ACOX3: variants seen among roughly 807,000 people sequenced by gnomAD.
ACOX3 encodes the protein acyl-CoA oxidase 3, pristanoyl.
A neutral mutation model predicts 81.5 loss-of-function variants in ACOX3; 73 were observed. The ratio of observed to expected loss-of-function variants is 0.90; its 90% CI spans 0.74 to 1.09. The LOEUF is 1.09. ACOX3 is among the 50% of genes least tolerant of loss of function. ACOX3 has a pLI of 0.00. For missense variants in ACOX3, 947 were observed against 928.0 expected, an observed-to-expected ratio of 1.02 and a Z score of -0.27; for synonymous variants, 387 against 375.1, an observed-to-expected ratio of 1.03 and a Z score of -0.37.
At chr4:8,390,430 G>T (rs1020331409) in intron 11 of ACOX3, among the ~76,000 whole-genome samples, 7 of 152,160 alleles carry the variant, frequency 4.6e-5, no homozygotes, top group Non-Finnish European at 1.0e-4. Context: ...CCTCACTGCT[G>T]TCAGCAAGCC....
chr4:8,410,369 A>T lies in ACOX3; in HGVS notation c.544-14T>A, dbSNP rs1721588616. On this transcript the variant is annotated splice_polypyrimidine_tract_variant and intron_variant, in intron 5 of 17. Coordinates refer to ENST00000356406, the MANE Select transcript of ACOX3 (RefSeq NM_003501.3). ...TATGATGAATTCCTGCACAAGGGAA[A>T]ATTTAGGTTAGTTATAATTAGCAAC... 6.2e-7 allele frequency: 1 copy of T among 1,612,284 alleles called. No homozygotes were observed. The highest frequency in any genetic ancestry group is 8.5e-7 in the Non-Finnish European group (1 of 1,178,568).
chr4:8,409,561 T>G (rs1416803775), intron 6 of ACOX3, among the ~76,000 whole-genome samples: 1 of 145,104 alleles, frequency 6.9e-6, no homozygotes, highest in African/African-American at 2.6e-5. Flanking sequence ...GGCTGTGGGA[T>G]ACACTTTGGG....
At position 8,389,784 on chromosome 4, in the gene ACOX3, G is replaced by A; in HGVS notation, c.1301-50C>T. ...ATCATTTAAGACGCATATTTGAGAA[G>A]CAGCCTGTCACTATGTGAGAATTTA... On this transcript the variant is annotated intron_variant, in intron 11 of 17. Coordinates refer to ENST00000356406, the MANE Select transcript of ACOX3 (RefSeq NM_003501.3). The surrounding 1 kb of genome is among the most constrained non-coding windows in gnomAD (Gnocchi z 5.3). 1 of 1,603,714 alleles carries A rather than the reference G, an allele frequency of 6.2e-7. No homozygotes were observed. Among genetic ancestry groups the A allele is most frequent in the Admixed American group, 1.7e-5 (1 of 59,850 alleles).
chr4:8,416,606 A>G lies in ACOX3; in HGVS notation c.-14-71T>C. ...TTCAAACTACCCCCACCAACAGGAG[A>G]GCCCGCAACACCTTACAAATCAGAG... On this transcript the variant is annotated intron_variant, in intron 1 of 17. Transcript: ENST00000356406. This position sits in a 1 kb window ranked among gnomAD's most constrained non-coding sequence, Gnocchi z 4.2. 1 of 1,444,798 alleles carries G rather than the reference A, an allele frequency of 6.9e-7. No individual in the cohort carries two copies. Among genetic ancestry groups the G allele is most frequent in the Non-Finnish European group, 9.2e-7 (1 of 1,087,470 alleles). The allele number at this position is 1,444,798 out of a possible 1,614,324, so 89.5% of individuals were successfully genotyped here.
the ACOX3 span, chr4:8,355,678 G>A: frequency 6.6e-6 from 1 of 152,168 alleles, no homozygotes; most frequent in South Asian, 2.1e-4. Flanking sequence ...AAAATGTGCA[G>A]GCATTTCTGA....
At position 8,394,680 on chromosome 4, in the gene ACOX3, G is replaced by A; in HGVS notation, c.1119C>T (p.Leu373=). The A allele has an allele frequency of 6.2e-7, 1 of 1,613,906 alleles. No homozygotes were observed. Among genetic ancestry groups the A allele is most frequent in the Non-Finnish European group, 8.5e-7 (1 of 1,180,000 alleles). The change falls in exon 10 of 18, where the codon CTC becomes CTT. Residue 373 remains leucine, a synonymous_variant. Coordinates refer to ENST00000356406, the MANE Select transcript of ACOX3 (RefSeq NM_003501.3). The surrounding 1 kb of genome is among the most constrained non-coding windows in gnomAD (Gnocchi z 5.9). The part of the protein sequence containing the change: ...VYALDHFSKS[L]FLDLVELQRG... ...GCTGGAGCTCCACCAGGTCCAGGAA[G>A]AGCGACTTGGAGAAATGGTCTAAGG...
the ACOX3 span, chr4:8,357,987 C>T: frequency 2.6e-5 from 4 of 153,056 alleles, no homozygotes; most frequent in African/African-American, 9.7e-5. Flanking sequence ...CTGCCCCGCT[C>T]TGGAATTTAG....
At position 8,370,985 on chromosome 4, in the gene ACOX3, C is replaced by T. The variant is rs1391240119; in HGVS notation, c.1906G>A (p.Asp636Asn). The change falls in exon 17 of 18, where the codon GAT becomes AAT. Residue 636 changes from aspartate (D) to asparagine (N), a missense_variant. Transcript: ENST00000356406. This position sits in a 1 kb window ranked among gnomAD's most constrained non-coding sequence, Gnocchi z 6.3. ...ATCACGTCTACCAGGGCAACTGCAT[C>T]GTCTTTCAGCTGTTGGAAAACAAAG... is the stretch of plus-strand genomic sequence containing the variant. ...VLALCSQLKD[D>N]AVALVDVIAP... The T allele has an allele frequency of 9.3e-6, 15 of 1,614,058 alleles. No homozygotes were observed. Among genetic ancestry groups the T allele is most frequent in the East Asian group, 6.7e-5 (3 of 44,886 alleles).
rs1449378291 is a variant in ACOX3 at position 8,407,504 on chromosome 4, C to G, written c.688-1461G>C. 1.3e-5 allele frequency among the ~76,000 whole-genome samples: 2 copies of G among 152,190 alleles called. No homozygotes were observed. The highest frequency in any genetic ancestry group is 2.9e-5 in the Non-Finnish European group (2 of 68,024). On this transcript the variant is annotated intron_variant, in intron 6 of 17. Coordinates refer to ENST00000356406, the MANE Select transcript of ACOX3 (RefSeq NM_003501.3). The surrounding 1 kb of genome is among the most constrained non-coding windows in gnomAD (Gnocchi z 4.6). ...GCCCTAAAGATTCCTCAATTTCAGA[C>G]CCCGGCCTCCAGAGTTGGGAGAATA...
rs143748739 is a variant in ACOX3 at position 8,374,992 on chromosome 4, G to A, written c.1814C>T (p.Ala605Val). ...YALWSLSRHA[A>V]LLYRGGYFSG... ...AGAAGCCTCACCTCGGTAGAGCAGG[G>A]CCGCGTGGCGGCTCAGGGACCACAG... is the stretch of plus-strand genomic sequence containing the variant. Residue 605 changes from alanine (A) to valine (V), a missense_variant, in exon 15 of 18, where the codon GCC becomes GTC. Coordinates refer to ENST00000356406, the MANE Select transcript of ACOX3 (RefSeq NM_003501.3). 3,208 of 1,529,936 alleles carry A rather than the reference G, an allele frequency of 2.1e-3. 6 individuals carry two copies. The highest frequency in any genetic ancestry group is 2.7e-3 in the Non-Finnish European group (3,074 of 1,131,396). 94.8% of individuals were successfully genotyped at this position (1,529,936 alleles called of 1,614,324 possible).
At chr4:8,377,987 G>C (rs1474795111) in intron 14 of ACOX3, among the ~76,000 whole-genome samples, 1 of 152,162 alleles carries the variant, frequency 6.6e-6, no homozygotes, top group Non-Finnish European at 1.5e-5. Context: ...GCTCTAGGGG[G>C]ATCTTCTGGA....
At chr4:8,356,628 T>C in the ACOX3 span, 2 of 453,952 alleles carry the variant, frequency 4.4e-6, no homozygotes, top group African/African-American at 4.1e-5. Context: ...TCCCGGCAGG[T>C]GAGAGGAAGA....
At position 8,406,135 on chromosome 4, in the gene ACOX3, T is replaced by C. The variant is rs775083905; in HGVS notation, c.688-92A>G. Reference sequence around the variant, plus strand: ...GTTCAGAAACCCACAGGGTGGGCCATGGGCTCAACGCTGGGCGGCTGTGGG... The same window carrying C: ...GTTCAGAAACCCACAGGGTGGGCCACGGGCTCAACGCTGGGCGGCTGTGGG... On this transcript the variant is annotated intron_variant, in intron 6 of 17. Coordinates refer to ENST00000356406, the MANE Select transcript of ACOX3 (RefSeq NM_003501.3). The surrounding 1 kb of genome is among the most constrained non-coding windows in gnomAD (Gnocchi z 5.6). 9.6e-6 allele frequency: 12 copies of C among 1,254,856 alleles called. No homozygotes were observed. Among genetic ancestry groups the C allele is most frequent in the Non-Finnish European group, 1.4e-5 (12 of 860,010 alleles). The allele number at this position is 1,254,856 out of a possible 1,614,324, so 77.7% of individuals were successfully genotyped here. A position where few individuals can be genotyped will look rare whatever the true frequency, so the allele number is the denominator to read the frequency against.
chr4:8,390,607 C>T (rs1335367556), intron 11 of ACOX3, among the ~76,000 whole-genome samples: 2 of 152,240 alleles, frequency 1.3e-5, no homozygotes, highest in Middle Eastern at 3.2e-3. Flanking sequence ...TAGCTGGATG[C>T]CTTCACATAT....
Position 8,410,224 on chromosome 4 carries a change from G to A in ACOX3, c.675C>T (p.Pro225=), listed in dbSNP as rs753480247. 6.2e-7 allele frequency: 1 copy of A among 1,613,856 alleles called. No homozygotes were observed. Among genetic ancestry groups the A allele is most frequent in the African/African-American group, 1.3e-5 (1 of 74,918 alleles). Residue 225 remains proline (P), a synonymous_variant, in exon 6 of 18, where the codon CCC becomes CCT. Coordinates refer to ENST00000356406, the MANE Select transcript of ACOX3 (RefSeq NM_003501.3). ...VPGDQCHGLH[P]FIVQIRDPKT... ...CCCAGCGTCCTACCTGCACGATAAA[G>A]GGATGCAGCCCATGGCACTGGTCCC...
In ACOX3 at chr4:8,382,992, A is replaced by C. The variant is rs1259225442; in HGVS notation, c.1538-1385T>G. 6.9e-6 allele frequency among the ~76,000 whole-genome samples: 1 copy of C among 145,886 alleles called. No individual in the cohort carries two copies. Among genetic ancestry groups the C allele is most frequent in the Non-Finnish European group, 1.5e-5 (1 of 66,614 alleles). On this transcript the variant is annotated intron_variant, in intron 13 of 17. Coordinates refer to ENST00000356406, the MANE Select transcript of ACOX3 (RefSeq NM_003501.3). The surrounding 1 kb of genome is among the most constrained non-coding windows in gnomAD (Gnocchi z 4.1). Reference sequence around the variant, plus strand: ...GGCGACAGAGCGAGACTCCGTCTCAAAAAAAAAAAAAAAAGAAAAGAAAAT... The same window carrying C: ...GGCGACAGAGCGAGACTCCGTCTCACAAAAAAAAAAAAAAGAAAAGAAAAT...
At chr4:8,409,596 AGGGCTATCTGTACTGTGGGTG>A (rs1721455447) in intron 6 of ACOX3, among the ~76,000 whole-genome samples, 1 of 82,054 alleles carries the variant, frequency 1.2e-5, no homozygotes, top group Admixed American at 1.3e-4. Flanking sequence ...CACTGTGGGC[AGGGCTATCTGTACTGTGGGTG>A]GGGCTGTCTG....
intron 17 of ACOX3, among the ~76,000 whole-genome samples, chr4:8,369,937 G>A (rs566551423): frequency 6.3e-4 from 96 of 152,342 alleles, no homozygotes; most frequent in African/African-American, 2.2e-3. Context: ...GCAGAAGACA[G>A]ACACAGCCCC....
Position 8,380,849 on chromosome 4 carries a change from C to T in ACOX3, c.1653+643G>A, listed in dbSNP as rs1256348488. Among the ~76,000 whole-genome samples, 16 of 152,308 alleles carry T rather than the reference C, an allele frequency of 1.1e-4. No homozygotes were observed. In the East Asian group the frequency reaches 3.1e-3, roughly 29 times the overall value. ...CAAGAGTGCTCATGGCACCCACAGA[C>T]ACATCCGGGAGCCCTACTGCCCCCA... On this transcript the variant is annotated intron_variant, in intron 14 of 17. Coordinates refer to ENST00000356406, the MANE Select transcript of ACOX3 (RefSeq NM_003501.3).
Sources: allele counts gnomAD v4.1 joint callset (sites outside exome capture counted in the v4.1 genomes callset), GRCh38; gene constraint gnomAD v4.1.1; non-coding constraint Gnocchi (gnomAD v3.1); transcripts MANE v1.5; gene names NCBI Gene and HGNC (gene_info 2026-07-23, HGNC 2026-07-21).